Variants in SLC68A1 observed in about 807,000 individuals in gnomAD.
SLC68A1 encodes major facilitator superfamily domain containing 13A.
At chr10:102,473,904 C>A in the SLC68A1 span, 1 of 1,614,164 alleles carries the variant, frequency 6.2e-7, no homozygotes, top group South Asian at 1.1e-5. Context: ...GCTGAACCAC[C>A]GCAAGCAGGC....
At chr10:102,464,489 G>GGAAA in the SLC68A1 span, among the ~76,000 whole-genome samples, 11 of 151,404 alleles carry the variant, frequency 7.3e-5, no homozygotes, top group Admixed American at 1.3e-4. Flanking sequence ...TCAAAGAAAT[G>GGAAA]GAAAGAAAAT....
At chr10:102,470,920 C>T in the SLC68A1 span, 1 of 1,613,366 alleles carries the variant, frequency 6.2e-7, no homozygotes, top group Non-Finnish European at 8.5e-7. Context: ...GCTCCCTCTT[C>T]AGCGCGGCCG....
the SLC68A1 span, among the ~76,000 whole-genome samples, chr10:102,469,454 G>A: frequency 2.6e-5 from 4 of 152,216 alleles, no homozygotes; most frequent in South Asian, 6.2e-4. Context: ...ATATGTTCAC[G>A]TATATGAATT....
chr10:102,472,040 G>A, the SLC68A1 span: 1 of 455,970 alleles, frequency 2.2e-6, no homozygotes, highest in Non-Finnish European at 4.4e-6. Context: ...GCTCACGCCT[G>A]TAATCCCAGC....
chr10:102,467,697 C>T, the SLC68A1 span, among the ~76,000 whole-genome samples: 3 of 152,076 alleles, frequency 2.0e-5, no homozygotes. Context: ...GCTCTTGGTG[C>T]CCAGGCTAGA....
chr10:102,463,265 C>T, the SLC68A1 span, among the ~76,000 whole-genome samples: 1 of 151,646 alleles, frequency 6.6e-6, no homozygotes, highest in Non-Finnish European at 1.5e-5. Context: ...CTCCTCCTCC[C>T]GGGTTCACGC....
chr10:102,471,008 C>T, the SLC68A1 span: 1 of 1,613,394 alleles, frequency 6.2e-7, no homozygotes, highest in Admixed American at 1.7e-5. Context: ...CTGCGTGACA[C>T]TGGCTGTCAG....
At chr10:102,463,634 GA>G in the SLC68A1 span, among the ~76,000 whole-genome samples, 1 of 144,504 alleles carries the variant, frequency 6.9e-6, no homozygotes, top group Non-Finnish European at 1.5e-5. Flanking sequence ...GTGTGGGGGG[GA>G]TGATGAAGTG....
chr10:102,462,577 T>C, the SLC68A1 span, among the ~76,000 whole-genome samples: 2 of 152,160 alleles, frequency 1.3e-5, no homozygotes, highest in African/African-American at 2.4e-5. Context: ...GAGATGTTGC[T>C]GCTTCCATCC....
chr10:102,463,848 T>C, the SLC68A1 span, among the ~76,000 whole-genome samples: 29 of 152,042 alleles, frequency 1.9e-4, no homozygotes, highest in Middle Eastern at 3.2e-3. Context: ...GAATAGTATA[T>C]AGTTATCCTA....
the SLC68A1 span, among the ~76,000 whole-genome samples, chr10:102,462,903 C>CT: frequency 2.6e-5 from 4 of 152,218 alleles, no homozygotes; most frequent in African/African-American, 9.6e-5. Context: ...GCTTTAGTGT[C>CT]TTACTCAGAG....
the SLC68A1 span, chr10:102,473,531 A>G: frequency 6.4e-7 from 1 of 1,558,758 alleles, no homozygotes; most frequent in Non-Finnish European, 8.7e-7. Flanking sequence ...GCACTGCAGC[A>G]GTGCCCTTGA....
At chr10:102,476,867 G>C in the SLC68A1 span, 31 of 985,584 alleles carry the variant, frequency 3.1e-5, no homozygotes, top group East Asian at 2.4e-3. Context: ...AAAGCTGACT[G>C]TAAGTCCCAC....
chr10:102,476,381 A>G, the SLC68A1 span: 1 of 430,736 alleles, frequency 2.3e-6, no homozygotes, highest in Non-Finnish European at 3.1e-6. Flanking sequence ...TTTTTGTATT[A>G]TTTAGTAGAG....
the SLC68A1 span, chr10:102,475,755 C>T: frequency 2.5e-6 from 4 of 1,613,092 alleles, no homozygotes; most frequent in Non-Finnish European, 3.4e-6. Context: ...CTCATAACCC[C>T]TGTGGGGAGT....
At chr10:102,472,076 C>T in the SLC68A1 span, 4 of 453,814 alleles carry the variant, frequency 8.8e-6, no homozygotes, top group African/African-American at 2.0e-5. Context: ...GGTGGAAAGA[C>T]CGCTTGAGCC....
chr10:102,475,923 TG>T, the SLC68A1 span: 2 of 1,613,764 alleles, frequency 1.2e-6, no homozygotes, highest in South Asian at 2.2e-5. Flanking sequence ...CGCCTGCACA[TG>T]GTCAAGGCCC....
the SLC68A1 span, among the ~76,000 whole-genome samples, chr10:102,469,553 T>G: frequency 4.0e-5 from 4 of 99,930 alleles, no homozygotes; most frequent in African/African-American, 1.0e-4. Context: ...GGTTTTTTTG[T>G]TTTTTTTTTT....
chr10:102,462,993 T>A, the SLC68A1 span, among the ~76,000 whole-genome samples: 1 of 152,018 alleles, frequency 6.6e-6, no homozygotes, highest in South Asian at 2.1e-4. Context: ...AGGGGCACAG[T>A]GGGGTCTGAA....
Sources: gnomAD v4.1 joint callset for allele counts (sites outside exome capture counted in the v4.1 genomes callset) on GRCh38, gnomAD v4.1.1 for gene constraint, MANE v1.5 for transcripts, NCBI Gene and HGNC (gene_info 2026-07-23, HGNC 2026-07-21) for gene names.